Variants in RABGAP1L observed in about 807,000 individuals in gnomAD.
RABGAP1L encodes RAB GTPase activating protein 1 like.
Under a neutral mutation model 137.7 loss-of-function variants are expected in RABGAP1L, and 63 were observed. The observed-to-expected ratio is 0.46, with a 90% CI of 0.37 to 0.56. The LOEUF (loss-of-function observed/expected upper bound fraction) is 0.56, where lower values mean the gene tolerates loss of function less well. Among genes scored for constraint, RABGAP1L ranks in the 20% least tolerant of loss-of-function variants. The pLI is 0.00. For missense variants in RABGAP1L, 1,095 were observed against 1,244.0 expected, an observed-to-expected ratio of 0.88 and a Z score of 1.80; for synonymous variants, 431 against 433.7, an observed-to-expected ratio of 0.99 and a Z score of 0.08.
intron 19 of RABGAP1L, among the ~76,000 whole-genome samples, chr1:174,820,103 G>A (rs1187494394): frequency 2.0e-5 from 3 of 152,164 alleles, no homozygotes; most frequent in Non-Finnish European, 2.9e-5. Flanking sequence ...AGTCTATATT[G>A]TTGTAGACTA....
At chr1:174,561,361 A>T (rs891816005) in intron 13 of RABGAP1L, among the ~76,000 whole-genome samples, 6 of 152,336 alleles carry the variant, frequency 3.9e-5, no homozygotes, top group Admixed American at 6.5e-5. Flanking sequence ...ATAAGAGAGG[A>T]CACAAACAAA....
At chr1:174,415,180 T>A (rs543250041) in intron 13 of RABGAP1L, among the ~76,000 whole-genome samples, 79 of 152,272 alleles carry the variant, frequency 5.2e-4, no homozygotes, top group African/African-American at 1.9e-3. Context: ...TAATTCAATA[T>A]GTTGCAATGT....
chr1:174,944,332 A>T (rs1319324018), intron 19 of RABGAP1L, among the ~76,000 whole-genome samples: 1 of 151,796 alleles, frequency 6.6e-6, no homozygotes, highest in Non-Finnish European at 1.5e-5. Flanking sequence ...TCCCAAGCTA[A>T]AAAGTTGATG....
chr1:174,488,259 G>A (rs953836472), intron 13 of RABGAP1L, among the ~76,000 whole-genome samples: 1 of 151,308 alleles, frequency 6.6e-6, no homozygotes, highest in Non-Finnish European at 1.5e-5. Flanking sequence ...GAGAAAGTCT[G>A]TATTTCTCCC....
At chr1:174,314,499 A>G (rs1679184723) in intron 11 of RABGAP1L, among the ~76,000 whole-genome samples, 1 of 151,830 alleles carries the variant, frequency 6.6e-6, no homozygotes, top group Admixed American at 6.6e-5. Context: ...GTTTCAATTT[A>G]TTTGTTCTCT....
intron 18 of RABGAP1L, among the ~76,000 whole-genome samples, chr1:174,785,878 C>G (rs1255983240): frequency 6.6e-6 from 1 of 152,108 alleles, no homozygotes; most frequent in Admixed American, 6.6e-5. Context: ...TTTCAACTTT[C>G]ATTTAAATGT....
chr1:174,895,176 A>C (rs1459679100), intron 19 of RABGAP1L, among the ~76,000 whole-genome samples: 1 of 152,228 alleles, frequency 6.6e-6, no homozygotes, highest in Non-Finnish European at 1.5e-5. Flanking sequence ...AAATAAATGA[A>C]TGAAAATTAT....
intron 1 of RABGAP1L, among the ~76,000 whole-genome samples, chr1:174,185,809 T>C (rs1666751135): frequency 6.6e-6 from 1 of 152,214 alleles, no homozygotes; most frequent in Non-Finnish European, 1.5e-5. Context: ...GGACAGAATT[T>C]TGCAGATGGA....
rs748138625 is a variant in RABGAP1L, at chr1:174,859,801, T to G, written c.2340+47841T>G. On this transcript the variant is annotated intron_variant, in intron 19 of 25. Coordinates refer to ENST00000681986, the MANE Select transcript of RABGAP1L (RefSeq NM_001366446.1). ...AAAAACCCCATGGCACACGTTTGCC[T>G]GTGTAACAAACCTGCACATCCTACA... is the stretch of plus-strand genomic sequence containing the variant. 3.0e-3 allele frequency among the ~76,000 whole-genome samples: 464 copies of G among 152,134 alleles called. 3 individuals carry two copies. The highest frequency in any genetic ancestry group is 0.011 in the African/African-American group (447 of 41,500).
chr1:174,210,002 G>A (rs181065172), intron 1 of RABGAP1L, among the ~76,000 whole-genome samples: 1 of 152,302 alleles, frequency 6.6e-6, no homozygotes, highest in Non-Finnish European at 1.5e-5. Context: ...GACCGTCAAG[G>A]TGATACCTTT....
chr1:174,555,260 A>T (rs963912538), intron 13 of RABGAP1L, among the ~76,000 whole-genome samples: 1 of 152,230 alleles, frequency 6.6e-6, no homozygotes, highest in Non-Finnish European at 1.5e-5. Flanking sequence ...ACTCAATTTC[A>T]GCTGTTACTC....
rs58160394 is a variant in RABGAP1L, at chr1:174,580,780, T to TA, written c.1711-56586dup. Among the ~76,000 whole-genome samples, 471 of 151,310 alleles carry TA rather than the reference T, an allele frequency of 3.1e-3. 3 individuals carry two copies. The highest frequency in any genetic ancestry group is 9.4e-3 in the African/African-American group (388 of 41,248). On this transcript the variant is annotated intron_variant, in intron 13 of 25. Coordinates refer to ENST00000681986, the MANE Select transcript of RABGAP1L (RefSeq NM_001366446.1). ...ATATACCCTAAAACTTAAAGTATAGTAAAAAAAAAGATTGAGTATTCGGAA... is the reference window on the plus strand; with the variant it reads ...ATATACCCTAAAACTTAAAGTATAGTAAAAAAAAAAGATTGAGTATTCGGAA...
chr1:174,184,106 A>T (rs1281790522), intron 1 of RABGAP1L, among the ~76,000 whole-genome samples: 1 of 151,788 alleles, frequency 6.6e-6, no homozygotes, highest in Non-Finnish European at 1.5e-5. Context: ...TGACCTCGTG[A>T]TCTGCCCACC....
intron 11 of RABGAP1L, among the ~76,000 whole-genome samples, chr1:174,312,687 C>T (rs1220521548): frequency 6.6e-6 from 1 of 152,076 alleles, no homozygotes; most frequent in Admixed American, 6.6e-5. Flanking sequence ...AGACCAATGT[C>T]CTGGAGATTT....
At chr1:174,574,787 C>T (rs560065059) in intron 13 of RABGAP1L, among the ~76,000 whole-genome samples, 1 of 152,128 alleles carries the variant, frequency 6.6e-6, no homozygotes, top group Admixed American at 6.5e-5. Context: ...TTCCTAATAC[C>T]TAAATGGCAC....
chr1:174,437,631 T>C (rs1196171724), intron 13 of RABGAP1L, among the ~76,000 whole-genome samples: 3 of 152,178 alleles, frequency 2.0e-5, no homozygotes, highest in Non-Finnish European at 2.9e-5. Flanking sequence ...TGGAACCAAG[T>C]TGGAAAACAC....
chr1:174,334,496 A>G (rs887100512), intron 11 of RABGAP1L, among the ~76,000 whole-genome samples: 1 of 152,162 alleles, frequency 6.6e-6, no homozygotes, highest in Non-Finnish European at 1.5e-5. Flanking sequence ...GATTCACAAA[A>G]CCATACATAA....
chr1:174,983,029 C>T, intron 24 of RABGAP1L, 124 bp downstream of exon 24: 1 of 985,820 alleles, frequency 1.0e-6, no homozygotes, highest in Non-Finnish European at 1.5e-6. Context: ...ATTATGGAGA[C>T]TAGGATACCT....
chr1:174,456,625 T>A (rs1414357494), intron 13 of RABGAP1L, among the ~76,000 whole-genome samples: 3 of 152,062 alleles, frequency 2.0e-5, no homozygotes, highest in Admixed American at 6.5e-5. Flanking sequence ...ACCTTTTAAA[T>A]AAGTAATTCA....
Sources: allele counts gnomAD v4.1 joint callset (sites outside exome capture counted in the v4.1 genomes callset), GRCh38; gene constraint gnomAD v4.1.1; transcripts MANE v1.5; gene names NCBI Gene and HGNC (gene_info 2026-07-23, HGNC 2026-07-21).